The following HMBOX1 variants were observed in gnomAD, a reference collection of about 807,000 sequenced individuals.
The protein encoded by HMBOX1 is homeobox-containing protein 1.
HMBOX1 carries 14 observed loss-of-function variants against 54.5 expected under a neutral mutation model. The ratio of observed to expected loss-of-function variants is 0.26; its 90% CI spans 0.17 to 0.40. The LOEUF (loss-of-function observed/expected upper bound fraction) is 0.40, where lower values mean the gene tolerates loss of function less well. Ranked by LOEUF, HMBOX1 falls within the 10% of genes least tolerant of loss-of-function variation. The pLI, the probability that HMBOX1 is intolerant of heterozygous loss-of-function variation, is 1.00. For synonymous variants in HMBOX1, 160 were observed against 181.0 expected (o/e 0.88, Z 0.93); for missense variants, 332 against 514.4 (o/e 0.65, Z 3.43).
At chr8:28,952,466 T>C (rs1456252450) in intron 1 of HMBOX1, among the ~76,000 whole-genome samples, 1 of 152,138 alleles carries the variant, frequency 6.6e-6, no homozygotes, top group Non-Finnish European at 1.5e-5. Context: ...ACTCCTGACC[T>C]CAAGCCATCC....
intron 4 of HMBOX1, among the ~76,000 whole-genome samples, chr8:28,991,135 C>G (rs1387358446): frequency 6.6e-6 from 1 of 152,112 alleles, no homozygotes; most frequent in Non-Finnish European, 1.5e-5. Flanking sequence ...GATTATCTTA[C>G]ACTGCTCATA....
At chr8:29,009,204 T>G in intron 5 of HMBOX1, 22 bp downstream of exon 5, 1 of 1,542,106 alleles carries the variant, frequency 6.5e-7, no homozygotes, top group Non-Finnish European at 9.0e-7. Context: ...TTCCTTTTAT[T>G]TATTGCATCT....
chr8:29,029,670 A>C (rs1802602227), intron 6 of HMBOX1, among the ~76,000 whole-genome samples: 1 of 152,256 alleles, frequency 6.6e-6, no homozygotes, highest in South Asian at 2.1e-4. Context: ...ACATTCACAG[A>C]ATAAATGAGA....
chr8:28,999,898 T>G (rs1320916053), intron 4 of HMBOX1, among the ~76,000 whole-genome samples: 1 of 152,202 alleles, frequency 6.6e-6, no homozygotes, highest in Non-Finnish European at 1.5e-5. Flanking sequence ...TCTAGGACAC[T>G]TCTTATTGAC....
intron 1 of HMBOX1, among the ~76,000 whole-genome samples, chr8:28,946,569 C>CA (rs879518052): frequency 3.7e-4 from 50 of 136,352 alleles, no homozygotes; most frequent in African/African-American, 1.1e-3. Context: ...GACTCCGTCT[C>CA]AAAAAAAAAA....
intron 1 of HMBOX1, among the ~76,000 whole-genome samples, chr8:28,945,854 C>A (rs551713021): frequency 6.6e-6 from 1 of 151,392 alleles, no homozygotes; most frequent in East Asian, 1.9e-4. Context: ...AATTCACATA[C>A]CGTACAATTT....
At chr8:29,018,064 A>G (rs1800604472) in intron 5 of HMBOX1, among the ~76,000 whole-genome samples, 1 of 152,174 alleles carries the variant, frequency 6.6e-6, no homozygotes, top group Non-Finnish European at 1.5e-5. Context: ...AAGGAGTGAA[A>G]GAAGAGTGGG....
At chr8:29,023,174 G>C (rs774384840) in intron 6 of HMBOX1, among the ~76,000 whole-genome samples, 1 of 151,998 alleles carries the variant, frequency 6.6e-6, no homozygotes, top group Non-Finnish European at 1.5e-5. Context: ...AGAGTTATTA[G>C]GAACCAAGAT....
At chr8:28,922,747 G>A (rs1008949734) in intron 1 of HMBOX1, among the ~76,000 whole-genome samples, 1 of 152,050 alleles carries the variant, frequency 6.6e-6, no homozygotes, top group Admixed American at 6.6e-5. Flanking sequence ...GTTTGAAGAG[G>A]AGTAACAATA....
At chr8:28,987,658 G>A (rs1830362552) in intron 4 of HMBOX1, among the ~76,000 whole-genome samples, 1 of 152,068 alleles carries the variant, frequency 6.6e-6, no homozygotes, top group Non-Finnish European at 1.5e-5. Flanking sequence ...AAATCAAAGT[G>A]CTGCAAATAG....
chr8:28,903,238 C>T (rs1354779086), intron 1 of HMBOX1, among the ~76,000 whole-genome samples: 1 of 152,210 alleles, frequency 6.6e-6, no homozygotes, highest in Non-Finnish European at 1.5e-5. Flanking sequence ...TTTTGTCTTA[C>T]CCCAAGTTGG....
chr8:28,948,217 A>G (rs1335238684), intron 1 of HMBOX1, among the ~76,000 whole-genome samples: 1 of 152,102 alleles, frequency 6.6e-6, no homozygotes, highest in Non-Finnish European at 1.5e-5. Context: ...TTGTTTCTCC[A>G]TTGTACTTAT....
intron 1 of HMBOX1, among the ~76,000 whole-genome samples, chr8:28,921,539 A>G (rs945684607): frequency 1.3e-5 from 2 of 152,180 alleles, no homozygotes; most frequent in Admixed American, 6.5e-5. Flanking sequence ...TAATACCACA[A>G]AGTATTAGTA....
At chr8:28,978,710 C>G (rs1828838772) in intron 3 of HMBOX1, among the ~76,000 whole-genome samples, 1 of 149,362 alleles carries the variant, frequency 6.7e-6, no homozygotes, top group African/African-American at 2.5e-5. Flanking sequence ...TTGCTTGCGC[C>G]CGGTAGGTGG....
intron 6 of HMBOX1, among the ~76,000 whole-genome samples, chr8:29,044,573 C>G (rs993450470): frequency 6.6e-6 from 1 of 152,148 alleles, no homozygotes; most frequent in Non-Finnish European, 1.5e-5. Context: ...CCCCTCCCCA[C>G]AAATCAGTAA....
At chr8:28,911,659 G>C (rs1473044764) in intron 1 of HMBOX1, among the ~76,000 whole-genome samples, 1 of 152,104 alleles carries the variant, frequency 6.6e-6, no homozygotes, top group Non-Finnish European at 1.5e-5. Context: ...CCTAGCTGCT[G>C]CTTGACTTTT....
chr8:28,993,505 A>G (rs1321858938), intron 4 of HMBOX1, among the ~76,000 whole-genome samples: 2 of 152,196 alleles, frequency 1.3e-5, no homozygotes, highest in Non-Finnish European at 2.9e-5. Context: ...TACTATATCT[A>G]TACTATGGAG....
intron 3 of HMBOX1, among the ~76,000 whole-genome samples, chr8:28,977,438 T>A (rs1828583611): frequency 6.6e-6 from 1 of 152,202 alleles, no homozygotes; most frequent in South Asian, 2.1e-4. Flanking sequence ...AGAAACCAAA[T>A]GATTTGTTTT....
At chr8:28,922,565 G>A (rs1204676446) in intron 1 of HMBOX1, among the ~76,000 whole-genome samples, 1 of 152,082 alleles carries the variant, frequency 6.6e-6, no homozygotes, top group Non-Finnish European at 1.5e-5. Context: ...TTATTAACCT[G>A]GGTACCGTTG....
Sources: allele counts gnomAD v4.1 joint callset (sites outside exome capture counted in the v4.1 genomes callset), GRCh38; gene constraint gnomAD v4.1.1; transcripts MANE v1.5; gene names NCBI Gene and HGNC (gene_info 2026-07-23, HGNC 2026-07-21).